The following MIB1 variants were observed in gnomAD, a reference collection of about 807,000 sequenced individuals.
MIB1 encodes E3 ubiquitin-protein ligase MIB1.
MIB1 carries 278 observed loss-of-function variants against 124.5 expected under a neutral mutation model. That is an observed-to-expected ratio of 2.23 (90% CI 2.02 to 2.47). The LOEUF (loss-of-function observed/expected upper bound fraction) is 2.47, where lower values mean the gene tolerates loss of function less well. MIB1 is among the 30% of genes most tolerant of loss of function. MIB1 has a pLI of 0.00. For missense variants in MIB1, 957 were observed against 1,254.4 expected, an observed-to-expected ratio of 0.76 and a Z score of 3.58; for synonymous variants, 446 against 429.4, an observed-to-expected ratio of 1.04 and a Z score of -0.48.
Position 21,768,645 on chromosome 18 carries a change from A to T in MIB1, c.424A>T (p.Lys142Ter). ...TAGGGTTCTGTTAGAGTCTCGTAGG[A>T]AATCTAAGAAGATTACAGCCAGAGG... ...SERVLLESRR[K>*]SKKITARGIF... is the part of the protein sequence containing the mutation. The change falls in exon 3 of 21, where the codon AAA becomes TAA. Residue 142 changes from lysine to a stop codon, truncating the protein, a stop_gained. Coordinates refer to ENST00000261537, the MANE Select transcript of MIB1 (RefSeq NM_020774.4). LOFTEE classifies it high-confidence loss of function. The T allele has an allele frequency of 6.3e-7, 1 of 1,584,042 alleles. No individual in the cohort carries two copies. Among genetic ancestry groups the T allele is most frequent in the South Asian group, 1.2e-5 (1 of 86,654 alleles).
At chr18:21,847,660 A>G (rs1424763281) in intron 16 of MIB1, among the ~76,000 whole-genome samples, 4 of 152,140 alleles carry the variant, frequency 2.6e-5, no homozygotes, top group Non-Finnish European at 4.4e-5. Flanking sequence ...TCTTCCTAAG[A>G]CAGGCAACTT....
intron 1 of MIB1, among the ~76,000 whole-genome samples, chr18:21,757,547 C>T (rs1414588965): frequency 1.7e-4 from 21 of 122,966 alleles, no homozygotes; most frequent in African/African-American, 5.9e-4. Context: ...TGCAGTTGTG[C>T]GATCTCGGCT....
Position 21,792,446 on chromosome 18 carries a change from C to G in MIB1, c.1092+889C>G, listed in dbSNP as rs545482989. Among the ~76,000 whole-genome samples the G allele has an allele frequency of 1.6e-4, 25 of 152,228 alleles. No homozygotes were observed. The South Asian group carries it at 5.2e-3, about 32-fold the overall frequency. ...CCCCAACTCCTGCCCCATCTCATCC[C>G]CTCCCATCCTGCCTAGTCCCTCCTT... On this transcript the variant is annotated intron_variant, in intron 7 of 20. Transcript: ENST00000261537.
intron 18 of MIB1, 72 bp downstream of exon 18, chr18:21,853,290 G>C: frequency 1.0e-5 from 12 of 1,183,048 alleles, no homozygotes; most frequent in Non-Finnish European, 1.3e-5. Flanking sequence ...ATGTTTTTGA[G>C]GGTTTTTTTG....
chr18:21,842,615 G>A (rs947612142), intron 13 of MIB1, among the ~76,000 whole-genome samples: 9 of 152,112 alleles, frequency 5.9e-5, no homozygotes, highest in Admixed American at 5.9e-4. Context: ...TTACTTTAAT[G>A]CATAATTTTA....
intron 13 of MIB1, among the ~76,000 whole-genome samples, chr18:21,840,928 T>TA (rs1259899684): frequency 9.2e-5 from 14 of 151,970 alleles, no homozygotes; most frequent in Admixed American, 2.6e-4. Context: ...GCCATAATCT[T>TA]AAAAGAAAAA....
At chr18:21,720,087 A>G (rs2146357563) in intron 1 of MIB1, among the ~76,000 whole-genome samples, 1 of 152,352 alleles carries the variant, frequency 6.6e-6, no homozygotes, top group Non-Finnish European at 1.5e-5. Context: ...ATAAAGGGAA[A>G]GAAACCAGCA....
At chr18:21,710,294 A>T (rs964767132) in intron 1 of MIB1, among the ~76,000 whole-genome samples, 1 of 151,896 alleles carries the variant, frequency 6.6e-6, no homozygotes, top group South Asian at 2.1e-4. Flanking sequence ...CGGTTTCACC[A>T]TATTGGCCAG....
chr18:21,821,585 GT>G (rs769381543), intron 12 of MIB1, among the ~76,000 whole-genome samples: 1 of 144,202 alleles, frequency 6.9e-6, no homozygotes, highest in African/African-American at 2.7e-5. Flanking sequence ...TTCTGTGTGT[GT>G]TTTTTTTGTT....
chr18:21,863,543 C>G (rs182080733), intron 20 of MIB1, among the ~76,000 whole-genome samples: 1 of 152,106 alleles, frequency 6.6e-6, no homozygotes, highest in Non-Finnish European at 1.5e-5. Context: ...TGAAGTTAAG[C>G]CATCTCTCCT....
intron 14 of MIB1, among the ~76,000 whole-genome samples, 171 bp downstream of exon 14, chr18:21,843,388 A>G (rs1003481576): frequency 6.6e-6 from 1 of 152,240 alleles, no homozygotes; most frequent in African/African-American, 2.4e-5. Context: ...AGATGAGACC[A>G]TATGCTTGAG....
intron 12 of MIB1, among the ~76,000 whole-genome samples, chr18:21,823,140 A>G (rs1269154966): frequency 6.6e-6 from 1 of 151,886 alleles, no homozygotes; most frequent in African/African-American, 2.4e-5. Context: ...AGGCTGAGAC[A>G]TGAGAATCAC....
At position 21,803,918 on chromosome 18, in the gene MIB1, A is replaced by G. The variant is rs1378159868; in HGVS notation, c.1383A>G (p.Gln461=). The part of the protein sequence containing the change: ...LKRPDVDVNG[Q]CAGHTAMQAA... ...TTTAAAAAATGTAGGTAAATGGGCA[A>G]TGTGCTGGCCACACAGCTATGCAAG... Residue 461 remains glutamine, a synonymous_variant, in exon 10 of 21, where the codon CAA becomes CAG. Transcript: ENST00000261537. 6 of 1,612,498 alleles carry G rather than the reference A, an allele frequency of 3.7e-6. No homozygotes were observed. The highest frequency in any genetic ancestry group is 2.2e-5 in the South Asian group (2 of 90,972).
intron 1 of MIB1, among the ~76,000 whole-genome samples, chr18:21,761,267 A>G (rs960696678): frequency 8.5e-5 from 13 of 152,276 alleles, no homozygotes; most frequent in Middle Eastern, 3.4e-3. Flanking sequence ...CCCATAAACA[A>G]AAAGATTTTG....
At chr18:21,817,685 C>T (rs2041842320) in intron 11 of MIB1, 7 of 447,272 alleles carry the variant, frequency 1.6e-5, no homozygotes, top group South Asian at 1.1e-4. Context: ...CTTAGGGGAG[C>T]ATAGGGCTCT....
Position 21,819,789 on chromosome 18 carries a change from A to T in MIB1, c.1829+143A>T, listed in dbSNP as rs2041863308. On this transcript the variant is annotated intron_variant, in intron 12 of 20. Coordinates refer to ENST00000261537, the MANE Select transcript of MIB1 (RefSeq NM_020774.4). Reference sequence around the variant, plus strand: ...AAAGTTTTGTGAATATTATGCCTTTAGTTTTATATGATGATTATTTGGTTG... The same window carrying T: ...AAAGTTTTGTGAATATTATGCCTTTTGTTTTATATGATGATTATTTGGTTG... The T allele has an allele frequency of 6.7e-6, 3 of 448,518 alleles. No homozygotes were observed. The East Asian group carries it at 1.0e-4, about 15-fold the overall frequency. 27.8% of individuals were successfully genotyped at this position (448,518 alleles called of 1,614,324 possible).
In MIB1 at chr18:21,790,310, T is replaced by C. The variant is rs553060997; in HGVS notation, c.909-1064T>C. 5.9e-5 allele frequency among the ~76,000 whole-genome samples: 9 copies of C among 152,356 alleles called. No homozygotes were observed. In the South Asian group the frequency reaches 1.5e-3, roughly 25 times the overall value. ...AAGATGTATACGCAGGAATGGTCTT[T>C]ACAGTACTGTACATATTGGTGACAA... is the stretch of plus-strand genomic sequence containing the variant. On this transcript the variant is annotated intron_variant, in intron 6 of 20. Coordinates refer to ENST00000261537, the MANE Select transcript of MIB1 (RefSeq NM_020774.4).
At chr18:21,849,456 A>AT (rs1441840834) in intron 17 of MIB1, 68 bp downstream of exon 17, 1 of 901,000 alleles carries the variant, frequency 1.1e-6, no homozygotes, top group African/African-American at 1.7e-5. Context: ...GATAAATAAG[A>AT]TTTAATGACA....
At chr18:21,744,911 T>C (rs2040895483) in intron 1 of MIB1, among the ~76,000 whole-genome samples, 1 of 152,204 alleles carries the variant, frequency 6.6e-6, no homozygotes, top group Non-Finnish European at 1.5e-5. Context: ...GAAAATACTT[T>C]TGACTTCATG....
Sources: allele counts gnomAD v4.1 joint callset (sites outside exome capture counted in the v4.1 genomes callset), GRCh38; gene constraint gnomAD v4.1.1; transcripts MANE v1.5; gene names NCBI Gene and HGNC (gene_info 2026-07-23, HGNC 2026-07-21).